EPB41L5: variants seen among roughly 807,000 people sequenced by gnomAD.
EPB41L5 encodes erythrocyte membrane protein band 4.1 like 5.
Under a neutral mutation model 106.6 loss-of-function variants are expected in EPB41L5, and 55 were observed. The observed-to-expected ratio is 0.52, with a 90% CI of 0.42 to 0.65. The LOEUF is 0.65. Ranked by LOEUF, EPB41L5 falls within the 30% of genes least tolerant of loss-of-function variation. The pLI, the probability that EPB41L5 is intolerant of heterozygous loss-of-function variation, is 0.00. For missense variants in EPB41L5, 871 were observed against 882.1 expected (o/e 0.99, Z 0.16); for synonymous variants, 297 against 306.7 (o/e 0.97, Z 0.33).
At chr2:120,046,105 C>T (rs572568125) in intron 3 of EPB41L5, among the ~76,000 whole-genome samples, 15 of 152,162 alleles carry the variant, frequency 9.9e-5, no homozygotes, top group African/African-American at 2.9e-4. Context: ...TGAATAGTGC[C>T]GCAGTAAACA....
chr2:120,015,778 T>C (rs140178632), intron 1 of EPB41L5, among the ~76,000 whole-genome samples: 1 of 151,902 alleles, frequency 6.6e-6, no homozygotes, highest in East Asian at 2.0e-4. Context: ...ACCCTGTCTC[T>C]ACAAAAAATC....
intron 2 of EPB41L5, among the ~76,000 whole-genome samples, chr2:120,041,694 A>C (rs1679416938): frequency 6.6e-6 from 1 of 152,162 alleles, no homozygotes. Context: ...TAGGGACTCT[A>C]AAAATTGATT....
intron 3 of EPB41L5, among the ~76,000 whole-genome samples, chr2:120,050,808 G>C (rs1442951800): frequency 6.6e-6 from 1 of 152,156 alleles, no homozygotes; most frequent in Admixed American, 6.5e-5. Flanking sequence ...TTTGGTCTTT[G>C]ATGATGGTGA....
chr2:120,091,735 A>C, intron 13 of EPB41L5, 74 bp downstream of exon 13: 2 of 1,196,576 alleles, frequency 1.7e-6, no homozygotes, highest in South Asian at 2.8e-5. Flanking sequence ...TTTCCATAAG[A>C]GGAAGTTACC....
At chr2:120,143,280 C>A in intron 19 of EPB41L5, 149 bp downstream of exon 19, 4 of 968,738 alleles carry the variant, frequency 4.1e-6, no homozygotes, top group Non-Finnish European at 4.3e-6. Flanking sequence ...CAGGGGGATA[C>A]GAAGGCTAAA....
chr2:120,023,490 T>G (rs1319287119), intron 2 of EPB41L5, among the ~76,000 whole-genome samples: 1 of 152,164 alleles, frequency 6.6e-6, no homozygotes. Context: ...ATCAGGTGGT[T>G]GTAGATGTGT....
intron 10 of EPB41L5, 27 bp from the exon 11 acceptor site, chr2:120,087,143 TG>T (rs776991641): frequency 1.5e-6 from 2 of 1,330,210 alleles, no homozygotes; most frequent in Admixed American, 4.0e-5. Flanking sequence ...GTTTGTAATT[TG>T]GCTTTTATTC....
At chr2:120,065,763 G>A (rs979071085) in intron 3 of EPB41L5, among the ~76,000 whole-genome samples, 7 of 152,056 alleles carry the variant, frequency 4.6e-5, no homozygotes, top group Non-Finnish European at 8.8e-5. Context: ...GTGATTGCCC[G>A]CTTTGGCCTC....
chr2:120,137,043 A>G (rs1207643128), intron 18 of EPB41L5, among the ~76,000 whole-genome samples: 4 of 152,108 alleles, frequency 2.6e-5, no homozygotes, highest in Non-Finnish European at 5.9e-5. Context: ...CACATGGAAT[A>G]AAACTAGAAA....
Position 120,051,658 on chromosome 2 carries a change from C to T in EPB41L5, c.285+9548C>T, listed in dbSNP as rs1680296404. Among the ~76,000 whole-genome samples, 3 of 152,352 alleles carry T rather than the reference C, an allele frequency of 2.0e-5. No individual in the cohort carries two copies. In the South Asian group the frequency reaches 6.2e-4, roughly 32 times the overall value. On this transcript the variant is annotated intron_variant, in intron 3 of 24. Transcript: ENST00000263713. ...CTTGCGCTTCCCGGGTGAGGCGATGCCTCGCCCTGCTTTGGCTCTTGCTCA... is the reference window on the plus strand; with the variant it reads ...CTTGCGCTTCCCGGGTGAGGCGATGTCTCGCCCTGCTTTGGCTCTTGCTCA...
At chr2:120,155,633 T>G (rs1686867693) in intron 20 of EPB41L5, among the ~76,000 whole-genome samples, 1 of 152,148 alleles carries the variant, frequency 6.6e-6, no homozygotes, top group South Asian at 2.1e-4. Flanking sequence ...ATACGTATAT[T>G]AATATGCTTG....
chr2:120,059,319 A>C (rs1423148156), intron 3 of EPB41L5, among the ~76,000 whole-genome samples: 1 of 152,216 alleles, frequency 6.6e-6, no homozygotes, highest in African/African-American at 2.4e-5. Flanking sequence ...ATACCTATAC[A>C]AAAATTAACT....
Position 120,175,519 on chromosome 2 carries a change from A to G in EPB41L5, c.*612A>G, listed in dbSNP as rs1687889062. The G allele has an allele frequency of 6.6e-6, 1 of 151,772 alleles. No homozygotes were observed. Among genetic ancestry groups the G allele is most frequent in the South Asian group, 2.1e-4 (1 of 4,838 alleles). 9.4% of individuals were successfully genotyped at this position (151,772 alleles called of 1,614,324 possible). On this transcript the variant is annotated 3_prime_UTR_variant, in exon 25 of 25. Coordinates refer to ENST00000263713, the MANE Select transcript of EPB41L5 (RefSeq NM_020909.4). The stretch of plus-strand genomic sequence containing the variant: ...CTTTTGATTTCTTACTGTACTGGCT[A>G]TCTTAATATTTCAAGTTTACATCAA...
chr2:120,066,760 A>G (rs1471521128), intron 3 of EPB41L5, among the ~76,000 whole-genome samples: 2 of 152,204 alleles, frequency 1.3e-5, no homozygotes, highest in African/African-American at 4.8e-5. Context: ...GGAATATAGG[A>G]CAACTCCCAG....
intron 18 of EPB41L5, among the ~76,000 whole-genome samples, chr2:120,138,393 GGAA>G (rs1459406976): frequency 6.6e-6 from 1 of 151,824 alleles, no homozygotes; most frequent in Admixed American, 6.6e-5. Flanking sequence ...AAATTGGAAA[GGAA>G]GAATTCAAAT....
chr2:120,090,332 ACTTTT>A lies in EPB41L5; in HGVS notation c.874-9_874-5del, dbSNP rs2105365191. The A allele has an allele frequency of 6.3e-7, 1 of 1,580,916 alleles. No individual in the cohort carries two copies. Among genetic ancestry groups the A allele is most frequent in the East Asian group, 2.2e-5 (1 of 44,570 alleles). ...AATTAGTAATCATCCTTTTATATAT[ACTTTT>A]CTTTTTCAGGGCAAAGAACAGGAAC... On this transcript the variant is annotated splice_polypyrimidine_tract_variant and intron_variant, in intron 11 of 24. Coordinates refer to ENST00000263713, the MANE Select transcript of EPB41L5 (RefSeq NM_020909.4).
intron 3 of EPB41L5, among the ~76,000 whole-genome samples, chr2:120,050,325 T>C (rs1049629352): frequency 2.0e-5 from 3 of 152,252 alleles, no homozygotes; most frequent in Non-Finnish European, 4.4e-5. Context: ...TTTGGTCTTT[T>C]CATGTAGTCC....
chr2:120,086,984 T>C (rs79513518), intron 10 of EPB41L5, among the ~76,000 whole-genome samples, 187 bp from the exon 11 acceptor site: 1,750 of 152,354 alleles, frequency 0.011, 16 homozygotes, highest in Middle Eastern at 0.024. Context: ...TGAGATTTGC[T>C]TTTGAAATAT....
At chr2:120,059,019 A>G (rs1680852333) in intron 3 of EPB41L5, among the ~76,000 whole-genome samples, 1 of 152,238 alleles carries the variant, frequency 6.6e-6, no homozygotes, top group South Asian at 2.1e-4. Flanking sequence ...AAAAAGGGGA[A>G]TAAAATGGGA....
Sources: allele counts gnomAD v4.1 joint callset (sites outside exome capture counted in the v4.1 genomes callset), GRCh38; gene constraint gnomAD v4.1.1; transcripts MANE v1.5; gene names NCBI Gene and HGNC (gene_info 2026-07-23, HGNC 2026-07-21).